The following NPFFR2 variants were observed in gnomAD, a reference collection of about 807,000 sequenced individuals.
The protein encoded by NPFFR2 is G-protein coupled receptor 74.
In NPFFR2, 15 loss-of-function variants were observed where a neutral mutation model predicts 13.1. The observed-to-expected ratio is 1.15, with a 90% CI of 0.77 to 1.76. The LOEUF is 1.76. Among genes scored for constraint, NPFFR2 ranks in the 40% most tolerant of loss-of-function variants. The pLI is 0.00. For missense variants in NPFFR2, 572 were observed against 503.5 expected (o/e 1.14, Z -1.30); for synonymous variants, 190 against 175.7 (o/e 1.08, Z -0.65).
intron 1 of NPFFR2, among the ~76,000 whole-genome samples, chr4:72,048,734 C>CTTCTT (rs5859297): frequency 0.89 from 134,871 of 151,560 alleles, 61,137 homozygotes; most frequent in Non-Finnish European, 0.98. Flanking sequence ...TGTGAAATAA[C>CTTCTT]TTATCTTTTT....
At chr4:72,053,717 C>G (rs1370124232) in intron 1 of NPFFR2, among the ~76,000 whole-genome samples, 1 of 151,756 alleles carries the variant, frequency 6.6e-6, no homozygotes, top group Non-Finnish European at 1.5e-5. Context: ...CACAATCATG[C>G]ATTATGCCAA....
At chr4:72,097,586 T>G (rs182989633) in intron 1 of NPFFR2, among the ~76,000 whole-genome samples, 19 of 152,282 alleles carry the variant, frequency 1.2e-4, no homozygotes, top group Non-Finnish European at 2.6e-4. Flanking sequence ...TTTCCTTGTT[T>G]TCTTCCTGCT....
At chr4:72,119,410 A>G (rs1046636862) in intron 1 of NPFFR2, among the ~76,000 whole-genome samples, 2 of 152,198 alleles carry the variant, frequency 1.3e-5, no homozygotes, top group African/African-American at 4.8e-5. Context: ...ATTAAATGCA[A>G]TATAACAATT....
chr4:72,087,353 A>G (rs1199567681), intron 1 of NPFFR2, among the ~76,000 whole-genome samples: 1 of 152,124 alleles, frequency 6.6e-6, no homozygotes, highest in Non-Finnish European at 1.5e-5. Flanking sequence ...CACAACATAT[A>G]AAAATAAATT....
At chr4:72,146,085 T>C (rs562996696) in intron 3 of NPFFR2, among the ~76,000 whole-genome samples, 10 of 152,314 alleles carry the variant, frequency 6.6e-5, no homozygotes, top group African/African-American at 2.2e-4. Flanking sequence ...TTTTTACAGC[T>C]GTAAAGCAAA....
At chr4:72,086,567 TTTTC>T (rs2109797755) in intron 1 of NPFFR2, among the ~76,000 whole-genome samples, 1 of 152,280 alleles carries the variant, frequency 6.6e-6, no homozygotes, top group South Asian at 2.1e-4. Context: ...TTTATTCTGA[TTTTC>T]TTGATGATTA....
At chr4:72,070,796 G>A (rs1346204388) in intron 1 of NPFFR2, among the ~76,000 whole-genome samples, 1 of 152,140 alleles carries the variant, frequency 6.6e-6, no homozygotes, top group Non-Finnish European at 1.5e-5. Flanking sequence ...ATTGCAGCAT[G>A]TAGTACTAAG....
chr4:72,134,641 G>T (rs1332822741), intron 2 of NPFFR2, among the ~76,000 whole-genome samples: 1 of 152,082 alleles, frequency 6.6e-6, no homozygotes, highest in African/African-American at 2.4e-5. Context: ...TTTATTAAGG[G>T]TATATTTTGA....
intron 1 of NPFFR2, among the ~76,000 whole-genome samples, chr4:72,098,424 C>T (rs558654260): frequency 1.7e-4 from 26 of 151,626 alleles, no homozygotes; most frequent in African/African-American, 6.0e-4. Context: ...TTGAATATGA[C>T]CCAACACAAA....
rs770463366 is a variant in NPFFR2, at chr4:72,147,615, A to G, written c.1066A>G (p.Arg356Gly). The G allele has an allele frequency of 2.5e-6, 4 of 1,614,204 alleles. No homozygotes were observed. The highest frequency in any genetic ancestry group is 4.5e-5 in the East Asian group (2 of 44,884). The stretch of plus-strand genomic sequence containing the variant: ...TTTCCAGCTCCAGCTCTGCCAAAAA[A>G]GAGCAAAGCCTATGGAAGCTTATGC... ...EAFQLQLCQK[R>G]AKPMEAYALK... The change falls in exon 4 of 4, where the codon AGA becomes GGA. Residue 356 changes from arginine (R) to glycine (G), a missense_variant. By Grantham distance (125) the Arg-to-Gly change is moderately radical. Coordinates refer to ENST00000308744, the MANE Select transcript of NPFFR2 (RefSeq NM_004885.3).
intron 1 of NPFFR2, among the ~76,000 whole-genome samples, chr4:72,044,365 T>A (rs1719319023): frequency 6.6e-6 from 1 of 152,214 alleles, no homozygotes; most frequent in South Asian, 2.1e-4. Context: ...CCATCTTGAG[T>A]TACTTTTTGT....
intron 1 of NPFFR2, among the ~76,000 whole-genome samples, chr4:72,081,608 C>T (rs2109793429): frequency 6.6e-6 from 1 of 152,110 alleles, no homozygotes; most frequent in African/African-American, 2.4e-5. Context: ...CCACCTCAGC[C>T]TCCTAAGTAG....
At chr4:72,095,466 ATATCAC>A (rs1460900174) in intron 1 of NPFFR2, among the ~76,000 whole-genome samples, 9 of 152,346 alleles carry the variant, frequency 5.9e-5, no homozygotes, top group African/African-American at 2.2e-4. Context: ...ATCACTGAAT[ATATCAC>A]TATGAACAGA....
At chr4:72,089,546 TG>T (rs1475747003) in intron 1 of NPFFR2, among the ~76,000 whole-genome samples, 2 of 152,198 alleles carry the variant, frequency 1.3e-5, no homozygotes, top group African/African-American at 4.8e-5. Context: ...TATCATATTG[TG>T]GTTTTGATTT....
intron 2 of NPFFR2, among the ~76,000 whole-genome samples, chr4:72,134,426 T>C (rs1384912795): frequency 6.6e-6 from 1 of 152,154 alleles, no homozygotes; most frequent in Non-Finnish European, 1.5e-5. Flanking sequence ...GTAAATTGAG[T>C]TGTCATCAAC....
intron 1 of NPFFR2, among the ~76,000 whole-genome samples, chr4:72,121,167 T>C (rs551718068): frequency 6.6e-5 from 10 of 151,872 alleles, no homozygotes; most frequent in African/African-American, 2.2e-4. Flanking sequence ...GATGATCAAC[T>C]TAATGAAATA....
chr4:72,058,260 T>C (rs565650269), intron 1 of NPFFR2, among the ~76,000 whole-genome samples: 2 of 151,954 alleles, frequency 1.3e-5, no homozygotes, highest in South Asian at 2.1e-4. Flanking sequence ...GTTTAGAAAA[T>C]ACTATGTATA....
intron 1 of NPFFR2, among the ~76,000 whole-genome samples, chr4:72,041,697 G>A (rs1202653358): frequency 3.3e-5 from 5 of 152,092 alleles, no homozygotes; most frequent in Non-Finnish European, 7.4e-5. Context: ...CATTCTAATT[G>A]GTGTGAGATG....
intron 1 of NPFFR2, among the ~76,000 whole-genome samples, chr4:72,047,117 A>G (rs904119102): frequency 5.2e-4 from 79 of 151,752 alleles, no homozygotes; most frequent in African/African-American, 1.7e-3. Flanking sequence ...AAGATTGTAT[A>G]ATAAAATAAG....
Sources: allele counts gnomAD v4.1 joint callset (sites outside exome capture counted in the v4.1 genomes callset), GRCh38; gene constraint gnomAD v4.1.1; transcripts MANE v1.5; gene names NCBI Gene and HGNC (gene_info 2026-07-23, HGNC 2026-07-21).